The following TACR1 variants were observed in gnomAD, a reference collection of about 807,000 sequenced individuals.
TACR1 encodes the protein substance-P receptor.
In TACR1, 25 loss-of-function variants were observed where a neutral mutation model predicts 35.8. The ratio of observed to expected loss-of-function variants is 0.70; its 90% CI spans 0.51 to 0.98. The LOEUF (loss-of-function observed/expected upper bound fraction) is 0.98, where lower values mean the gene tolerates loss of function less well. Among genes scored for constraint, TACR1 ranks in the 50% least tolerant of loss-of-function variants. The pLI is 0.00. For synonymous variants in TACR1, 195 were observed against 206.7 expected (o/e 0.94, Z 0.48); for missense variants, 478 against 522.9 (o/e 0.91, Z 0.84).
intron 1 of TACR1, among the ~76,000 whole-genome samples, chr2:75,159,207 CCCT>C (rs200030416): frequency 0.016 from 2,467 of 152,096 alleles, 66 homozygotes; most frequent in African/African-American, 0.056. Context: ...TGAACACAAG[CCCT>C]CCTCAGTTAC....
intron 2 of TACR1, among the ~76,000 whole-genome samples, chr2:75,080,773 T>C (rs1462214184): frequency 3.9e-5 from 6 of 152,164 alleles, no homozygotes. Flanking sequence ...TGAAAATACT[T>C]AGGAAAGTTA....
chr2:75,079,831 A>C (rs1673048962), intron 2 of TACR1, among the ~76,000 whole-genome samples: 1 of 151,066 alleles, frequency 6.6e-6, no homozygotes, highest in Non-Finnish European at 1.5e-5. Flanking sequence ...ACCAGTCGTA[A>C]CAATGTTCTG....
intron 2 of TACR1, 129 bp from the exon 3 acceptor site, chr2:75,053,884 G>C: frequency 2.3e-6 from 3 of 1,285,388 alleles, no homozygotes; most frequent in Non-Finnish European, 3.3e-6. Context: ...ATAAGCTTGG[G>C]CTGTAAAGCC....
intron 2 of TACR1, among the ~76,000 whole-genome samples, chr2:75,094,873 T>G (rs1012676102): frequency 8.6e-6 from 1 of 116,016 alleles, no homozygotes; most frequent in African/African-American, 4.9e-5. Context: ...TTTTTTTTTT[T>G]GCCCAAGATG....
chr2:75,162,902 C>G (rs909808301), intron 1 of TACR1, among the ~76,000 whole-genome samples: 1 of 152,172 alleles, frequency 6.6e-6, no homozygotes, highest in Non-Finnish European at 1.5e-5. Flanking sequence ...ATTTATCATG[C>G]GTGGAAGAGA....
intron 2 of TACR1, among the ~76,000 whole-genome samples, chr2:75,084,121 G>C (rs1382087513): frequency 4.6e-5 from 7 of 152,146 alleles, no homozygotes; most frequent in Non-Finnish European, 8.8e-5. Flanking sequence ...AATTTATTGA[G>C]AGTTTTTAGC....
At chr2:75,171,544 C>T (rs1159280311) in intron 1 of TACR1, among the ~76,000 whole-genome samples, 1 of 152,144 alleles carries the variant, frequency 6.6e-6, no homozygotes, top group Non-Finnish European at 1.5e-5. Flanking sequence ...AGAGTAGATC[C>T]ACCGACCGCT....
chr2:75,148,615 A>G (rs548434374), intron 1 of TACR1, among the ~76,000 whole-genome samples: 97 of 151,982 alleles, frequency 6.4e-4, no homozygotes, highest in Admixed American at 1.3e-3. Context: ...TAAATTCTGG[A>G]TATTAGACCT....
At position 75,047,221 on chromosome 2, in the gene TACR1, C is replaced by T. The variant is rs1199305556; in HGVS notation, c.*2211G>A. Reference sequence around the variant, plus strand: ...CTCCCTTTGGAAGTACCCCAGAGAACTCTCATTCCAGAGGCTCTCCAAAGG... The same window carrying T: ...CTCCCTTTGGAAGTACCCCAGAGAATTCTCATTCCAGAGGCTCTCCAAAGG... On this transcript the variant is annotated 3_prime_UTR_variant, in exon 5 of 5. Transcript: ENST00000305249. 1 of 152,258 alleles carries T rather than the reference C, an allele frequency of 6.6e-6. No homozygotes were observed. The highest frequency in any genetic ancestry group is 1.5e-5 in the Non-Finnish European group (1 of 68,066). The allele number at this position is 152,258 out of a possible 1,614,324, so 9.4% of individuals were successfully genotyped here.
At chr2:75,114,542 G>C (rs1283256489) in intron 2 of TACR1, among the ~76,000 whole-genome samples, 2 of 152,172 alleles carry the variant, frequency 1.3e-5, no homozygotes, top group Non-Finnish European at 2.9e-5. Context: ...ACAAGAATGG[G>C]CTTAGCTCTC....
chr2:75,056,129 G>C (rs758725980), intron 2 of TACR1, among the ~76,000 whole-genome samples: 6 of 152,154 alleles, frequency 3.9e-5, no homozygotes, highest in Non-Finnish European at 8.8e-5. Flanking sequence ...AGTCTATTGG[G>C]ACTCCATTGT....
intron 1 of TACR1, among the ~76,000 whole-genome samples, chr2:75,128,196 C>T (rs547480487): frequency 1.3e-5 from 2 of 152,324 alleles, no homozygotes; most frequent in South Asian, 2.1e-4. Flanking sequence ...GGCGGCTCCA[C>T]TTAGGGCATT....
At chr2:75,136,753 A>C (rs1036115286) in intron 1 of TACR1, among the ~76,000 whole-genome samples, 2 of 152,210 alleles carry the variant, frequency 1.3e-5, no homozygotes, top group Non-Finnish European at 2.9e-5. Context: ...AGAAATTGTA[A>C]TTGTTATGTG....
intron 2 of TACR1, among the ~76,000 whole-genome samples, chr2:75,059,161 C>G (rs758067271): frequency 7.9e-5 from 12 of 152,128 alleles, no homozygotes; most frequent in Non-Finnish European, 1.6e-4. Flanking sequence ...GAATCCCAAC[C>G]CCAATCCAGT....
At chr2:75,061,453 C>A (rs941691391) in intron 2 of TACR1, among the ~76,000 whole-genome samples, 1 of 152,044 alleles carries the variant, frequency 6.6e-6, no homozygotes, top group African/African-American at 2.4e-5. Flanking sequence ...AGAGAGCAGT[C>A]GTTAAATGGG....
At chr2:75,094,036 C>G (rs998835504) in intron 2 of TACR1, among the ~76,000 whole-genome samples, 2 of 152,266 alleles carry the variant, frequency 1.3e-5, no homozygotes, top group African/African-American at 4.8e-5. Context: ...AGTGCTCTTA[C>G]CTGACACCAC....
At chr2:75,134,261 G>T (rs1369950717) in intron 1 of TACR1, among the ~76,000 whole-genome samples, 1 of 152,110 alleles carries the variant, frequency 6.6e-6, no homozygotes, top group East Asian at 1.9e-4. Flanking sequence ...CAAGATCCAA[G>T]AACCCTCTCT....
At chr2:75,096,673 G>A (rs568760710) in intron 2 of TACR1, among the ~76,000 whole-genome samples, 1 of 152,294 alleles carries the variant, frequency 6.6e-6, no homozygotes, top group Admixed American at 6.5e-5. Flanking sequence ...AACTGGTTCA[G>A]CTGGGGCCTT....
chr2:75,105,932 A>G (rs1419835620), intron 2 of TACR1, among the ~76,000 whole-genome samples: 1 of 152,012 alleles, frequency 6.6e-6, no homozygotes, highest in Admixed American at 6.6e-5. Flanking sequence ...AGAGACATGA[A>G]TGTAATGTGG....
Sources: gnomAD v4.1 joint callset for allele counts (sites outside exome capture counted in the v4.1 genomes callset) on GRCh38, gnomAD v4.1.1 for gene constraint, MANE v1.5 for transcripts, NCBI Gene and HGNC (gene_info 2026-07-23, HGNC 2026-07-21) for gene names.